The following PALB2 variants were observed in gnomAD, a reference collection of about 807,000 sequenced individuals.
PALB2 encodes the protein mutant partner and localizer of BRCA2.
In PALB2, 82 loss-of-function variants were observed where a neutral mutation model predicts 107.4. The ratio of observed to expected loss-of-function variants is 0.76; its 90% CI spans 0.64 to 0.92. PALB2 has a LOEUF of 0.92. Among genes scored for constraint, PALB2 ranks in the 40% least tolerant of loss-of-function variants. PALB2 has a pLI of 0.00. For synonymous variants in PALB2, 489 were observed against 496.8 expected (o/e 0.98, Z 0.21); for missense variants, 1,374 against 1,379.9 (o/e 1.00, Z 0.07).
chr16:23,637,106 G>A (rs1967081334), intron 3 of PALB2, among the ~76,000 whole-genome samples: 1 of 151,936 alleles, frequency 6.6e-6, no homozygotes, highest in African/African-American at 2.4e-5. Context: ...AAATTAGCTG[G>A]GCGTGGCGGT....
chr16:23,628,654 T>C (rs994772813), intron 6 of PALB2, among the ~76,000 whole-genome samples: 1 of 152,222 alleles, frequency 6.6e-6, no homozygotes, highest in African/African-American at 2.4e-5. Flanking sequence ...TTTATTTTAT[T>C]TTTGAGACAG....
intron 1 of PALB2, chr16:23,640,621 G>T (rs1229312184): frequency 1.3e-5 from 3 of 234,494 alleles, no homozygotes; most frequent in Admixed American, 5.6e-5. Context: ...TGTCCTGACA[G>T]GAAAGCTAAA....
intron 12 of PALB2, 100 bp from the exon 13 acceptor site, chr16:23,603,769 A>G: frequency 9.4e-7 from 1 of 1,064,412 alleles, no homozygotes; most frequent in Non-Finnish European, 1.4e-6. Context: ...CAGCAACAGG[A>G]ACAAAAATCC....
intron 10 of PALB2, among the ~76,000 whole-genome samples, chr16:23,614,901 C>T (rs553245509): frequency 0.032 from 4,757 of 149,084 alleles, 100 homozygotes; most frequent in Middle Eastern, 0.091. Flanking sequence ...CCGCCCGCCT[C>T]GGCCTCCCAA....
Position 23,607,918 on chromosome 16 carries a change from G to C in PALB2, c.3296C>G (p.Thr1099Arg), listed in dbSNP as rs142132127. ...VFQLIVINPK[T>R]TLSVGVMLYC... ...CAGCATCACACCCACGCTGAGAGTC[G>C]TCTTAGGGTTAATCACAATGAGCTG... Residue 1099 changes from threonine (T) to arginine (R), a missense_variant, in exon 12 of 13, where the codon ACG (threonine) becomes AGG (arginine). Coordinates refer to ENST00000261584, the MANE Select transcript of PALB2 (RefSeq NM_024675.4). The C allele has an allele frequency of 3.5e-5, 57 of 1,614,060 alleles. No individual in the cohort carries two copies. In the Middle Eastern group the frequency reaches 6.6e-4, roughly 19 times the overall value.
In PALB2 at chr16:23,634,736, A is replaced by G. The variant is rs1966942097; in HGVS notation, c.1684+126T>C. On this transcript the variant is annotated intron_variant, in intron 4 of 12. Coordinates refer to ENST00000261584, the MANE Select transcript of PALB2 (RefSeq NM_024675.4). ...CTCAGCCTCCCAAAGTGCTGGGATT[A>G]CAGACGTAAGCCACCACACTTGGCC... 3 of 1,309,446 alleles carry G rather than the reference A, an allele frequency of 2.3e-6. No individual in the cohort carries two copies. The Admixed American group carries it at 6.1e-5, about 26-fold the overall frequency. The allele number at this position is 1,309,446 out of a possible 1,614,324, so 81.1% of individuals were successfully genotyped here. A position where few individuals can be genotyped will look rare whatever the true frequency, so the allele number is the denominator to read the frequency against.
At chr16:23,611,604 G>A (rs1429295605) in intron 11 of PALB2, among the ~76,000 whole-genome samples, 3 of 151,378 alleles carry the variant, frequency 2.0e-5, no homozygotes, top group African/African-American at 4.9e-5. Flanking sequence ...GACTACAGGC[G>A]CACACACCAC....
chr16:23,618,367 G>A (rs1349659430), intron 10 of PALB2, among the ~76,000 whole-genome samples: 2 of 152,112 alleles, frequency 1.3e-5, no homozygotes, highest in East Asian at 1.9e-4. Context: ...TATACGAAAT[G>A]CCAAAGGACT....
Position 23,627,169 on chromosome 16 carries a change from A to C in PALB2, c.2587-772T>G, listed in dbSNP as rs986120806. Among the ~76,000 whole-genome samples, 4 of 152,126 alleles carry C rather than the reference A, an allele frequency of 2.6e-5. No homozygotes were observed. In the South Asian group the frequency reaches 6.2e-4, roughly 24 times the overall value. Reference sequence around the variant, plus strand: ...GAGCGTGGCCAAAGCAGTATTTCCAAGAAAATTTGGAAATTTCCAAGAAAA... The same window carrying C: ...GAGCGTGGCCAAAGCAGTATTTCCACGAAAATTTGGAAATTTCCAAGAAAA... On this transcript the variant is annotated intron_variant, in intron 6 of 12. Coordinates refer to ENST00000261584, the MANE Select transcript of PALB2 (RefSeq NM_024675.4).
intron 10 of PALB2, among the ~76,000 whole-genome samples, chr16:23,614,841 G>A (rs1391473874): frequency 2.0e-5 from 3 of 151,208 alleles, no homozygotes; most frequent in East Asian, 1.9e-4. Flanking sequence ...TAGTAGAGAC[G>A]GGGTTTCACC....
At chr16:23,638,699 CAG>C (rs967396827) in intron 1 of PALB2, 15 of 355,328 alleles carry the variant, frequency 4.2e-5, no homozygotes, top group African/African-American at 1.7e-4. Flanking sequence ...AGAAAACAAA[CAG>C]AAATGATTTT....
chr16:23,608,797 T>TACACACACACACAC (rs1310999089), intron 11 of PALB2, among the ~76,000 whole-genome samples: 227 of 111,374 alleles, frequency 2.0e-3, no homozygotes, highest in East Asian at 4.6e-3. Context: ...TGTGTGTATA[T>TACACACACACACAC]ATATACACAC....
chr16:23,607,760 C>A (rs909009270), intron 12 of PALB2, 104 bp downstream of exon 12: 1 of 1,336,388 alleles, frequency 7.5e-7, no homozygotes, highest in South Asian at 1.2e-5. Context: ...TATAGTATTT[C>A]ATGTTTTCCA....
rs763513849 is a variant in PALB2, at chr16:23,603,495, T to C, written c.3525A>G (p.Gln1175=). 30 of 1,614,002 alleles carry C rather than the reference T, an allele frequency of 1.9e-5. No individual in the cohort carries two copies. The highest frequency in any genetic ancestry group is 2.5e-5 in the Non-Finnish European group (29 of 1,179,964). ...SGTDSHLLAG[Q]KDGNIFVYHY... The stretch of plus-strand genomic sequence containing the variant: ...GGTATACAAATATATTTCCATCTTT[T>C]TGTCCAGCCAGCAAATGAGAGTCTG... Residue 1175 remains glutamine (Q), a synonymous_variant, in exon 13 of 13, where the codon CAA becomes CAG. Transcript: ENST00000261584.
chr16:23,640,166 C>A, intron 1 of PALB2: 1 of 171,876 alleles, frequency 5.8e-6, no homozygotes, highest in Non-Finnish European at 1.3e-5. Flanking sequence ...GCGGGGATTA[C>A]AGGCGTGAGC....
At chr16:23,639,432 T>C (rs1015800803) in intron 1 of PALB2, among the ~76,000 whole-genome samples, 8 of 149,460 alleles carry the variant, frequency 5.4e-5, no homozygotes, top group South Asian at 4.2e-4. Flanking sequence ...AGCAGGAGAA[T>C]TGCTTGAACC....
chr16:23,634,731 G>T, intron 4 of PALB2, 131 bp downstream of exon 4: 1 of 1,236,308 alleles, frequency 8.1e-7, no homozygotes, highest in Non-Finnish European at 1.1e-6. Flanking sequence ...CAAAGTGCTG[G>T]GATTACAGAC....
At chr16:23,621,289 A>G (rs1324981453) in intron 10 of PALB2, 73 bp downstream of exon 10, 3 of 990,698 alleles carry the variant, frequency 3.0e-6, no homozygotes, top group East Asian at 4.8e-5. Flanking sequence ...AATCTTCACA[A>G]CAACCCTGTA....
chr16:23,623,916 C>CA, intron 8 of PALB2, 93 bp downstream of exon 8: 2 of 826,832 alleles, frequency 2.4e-6, no homozygotes, highest in South Asian at 2.9e-5. Flanking sequence ...CAGATTCTTT[C>CA]AAGACTCAAG....
Sources: gnomAD v4.1 joint callset for allele counts (sites outside exome capture counted in the v4.1 genomes callset) on GRCh38, gnomAD v4.1.1 for gene constraint, MANE v1.5 for transcripts, NCBI Gene and HGNC (gene_info 2026-07-23, HGNC 2026-07-21) for gene names.